The following GRHL3 variants were observed in gnomAD, a reference collection of about 807,000 sequenced individuals.
The protein encoded by GRHL3 is grainyhead-like protein 3 homolog.
In GRHL3, 20 loss-of-function variants were observed where a neutral mutation model predicts 70.3. The ratio of observed to expected loss-of-function variants is 0.28; its 90% CI spans 0.20 to 0.41. The LOEUF (loss-of-function observed/expected upper bound fraction) is 0.41. Among genes scored for constraint, GRHL3 ranks in the 10% least tolerant of loss-of-function variants. The pLI, the probability that GRHL3 is intolerant of heterozygous loss-of-function variation, is 1.00. For missense variants in GRHL3, 637 were observed against 762.3 expected (o/e 0.84, Z 1.94); for synonymous variants, 299 against 299.9 (o/e 1.00, Z 0.03).
At chr1:24,338,130 C>T (rs763149065) in intron 7 of GRHL3, 27 bp downstream of exon 7, 6 of 1,451,450 alleles carry the variant, frequency 4.1e-6, no homozygotes, top group South Asian at 2.5e-5. Flanking sequence ...GCCTCCATTC[C>T]AGCTCCCCTC....
chr1:24,364,474 C>T (rs558326048), exon 16 of GRHL3: 364 of 1,393,216 alleles, frequency 2.6e-4, no homozygotes, highest in Non-Finnish European at 2.9e-4. Flanking sequence ...TATTACTTTG[C>T]ATTTAAAATG....
At chr1:24,361,203 C>A (rs1641093804) in intron 15 of GRHL3, among the ~76,000 whole-genome samples, 1 of 152,108 alleles carries the variant, frequency 6.6e-6, no homozygotes, top group African/African-American at 2.4e-5. Context: ...AGCTGGGGAC[C>A]CCTGGATCTG....
rs1639095952 is a variant in GRHL3 at position 24,319,484 on chromosome 1, A to T, written c.-68A>T. On this transcript the variant is annotated 5_prime_UTR_variant, in exon 1 of 16. Transcript: ENST00000361548. Reference sequence around the variant, plus strand: ...TTCCCGGGCAGAGAATGTCTGTGTCAGGCAAGAATTAGAGACAAGCGGTCA... The same window carrying T: ...TTCCCGGGCAGAGAATGTCTGTGTCTGGCAAGAATTAGAGACAAGCGGTCA... 3 of 1,439,824 alleles carry T rather than the reference A, an allele frequency of 2.1e-6. No individual in the cohort carries two copies. The highest frequency in any genetic ancestry group is 2.9e-6 in the Non-Finnish European group (3 of 1,021,328). The allele number at this position is 1,439,824 out of a possible 1,614,324, so 89.2% of individuals were successfully genotyped here. A position where few individuals can be genotyped will look rare whatever the true frequency, so the allele number is the denominator to read the frequency against.
intron 14 of GRHL3, 50 bp downstream of exon 14, chr1:24,347,603 C>T (rs370663326): frequency 2.2e-5 from 30 of 1,361,014 alleles, no homozygotes; most frequent in Non-Finnish European, 3.1e-5. Flanking sequence ...CTCTAGGCTC[C>T]TGTCCCCACT....
chr1:24,323,121 G>C, intron 1 of GRHL3: 1 of 1,506,990 alleles, frequency 6.6e-7, no homozygotes, highest in Non-Finnish European at 9.0e-7. Flanking sequence ...TTTTTCTGTA[G>C]GTTCTACATG....
chr1:24,339,281 C>T (rs61479765), intron 7 of GRHL3, among the ~76,000 whole-genome samples: 41,410 of 148,128 alleles, frequency 0.28, 6,402 homozygotes, highest in East Asian at 0.46. Flanking sequence ...CCAGTTTTGT[C>T]TTTTTTTTTT....
In GRHL3 at chr1:24,339,702, C is replaced by T. The variant is rs769858713; in HGVS notation, c.987C>T (p.His329=). The T allele has an allele frequency of 8.7e-6, 14 of 1,613,396 alleles. No homozygotes were observed. The highest frequency in any genetic ancestry group is 1.3e-5 in the African/African-American group (1 of 74,924). ...DCKENFNTVE[H]IEEVAYNALS... is the part of the protein sequence containing the mutation. Reference sequence around the variant, plus strand: ...AAGAAAACTTCAACACTGTGGAGCACATTGAGGAGGTGGCCTATAATGCAC... The same window carrying T: ...AAGAAAACTTCAACACTGTGGAGCATATTGAGGAGGTGGCCTATAATGCAC... Residue 329 remains histidine, a synonymous_variant, in exon 8 of 16, where the codon CAC becomes CAT. Coordinates refer to ENST00000361548, the MANE Select transcript of GRHL3 (RefSeq NM_198173.3).
downstream of GRHL3, chr1:24,358,651 G>C: frequency 6.4e-7 from 1 of 1,551,956 alleles, no homozygotes; most frequent in Non-Finnish European, 8.9e-7. Context: ...GAGGCATTAA[G>C]AGAGAAAAGG....
chr1:24,329,593 C>G (rs767227811), intron 1 of GRHL3, among the ~76,000 whole-genome samples: 3 of 152,248 alleles, frequency 2.0e-5, no homozygotes, highest in Non-Finnish European at 4.4e-5. Flanking sequence ...CTCTGCAAGA[C>G]TCAGGTTCCT....
At chr1:24,359,447 C>T (rs1006740425), downstream of GRHL3, among the ~76,000 whole-genome samples, 1 of 152,208 alleles carries the variant, frequency 6.6e-6, no homozygotes, top group Admixed American at 6.5e-5. The surrounding 1 kb of genome is among the most constrained non-coding windows in gnomAD (Gnocchi z 5.3). Flanking sequence ...GAGTTCTCCT[C>T]GACTGACTAG....
chr1:24,342,029 G>A lies in GRHL3; in HGVS notation c.1048-86G>A. On this transcript the variant is annotated intron_variant, in intron 8 of 15. Transcript: ENST00000361548. The surrounding 1 kb of genome is among the most constrained non-coding windows in gnomAD (Gnocchi z 4.8). The stretch of plus-strand genomic sequence containing the variant: ...CTTAAGGGTGAGCAGCAGGCACACA[G>A]AAAGCTAGAAATACAGGATCACTGT... 7.6e-7 allele frequency: 1 copy of A among 1,316,164 alleles called. No homozygotes were observed. The highest frequency in any genetic ancestry group is 1.0e-6 in the Non-Finnish European group (1 of 965,132). 81.5% of individuals were successfully genotyped at this position (1,316,164 alleles called of 1,614,324 possible).
intron 8 of GRHL3, among the ~76,000 whole-genome samples, chr1:24,341,536 T>C (rs1640040270): frequency 1.3e-5 from 2 of 152,122 alleles, no homozygotes; most frequent in African/African-American, 4.8e-5. Flanking sequence ...TCCCCGGCTG[T>C]AAGATGGGGT....
Position 24,322,908 on chromosome 1 carries a change from C to T in GRHL3, c.17+3340C>T, listed in dbSNP as rs985950876. 2 of 595,842 alleles carry T rather than the reference C, an allele frequency of 3.4e-6. No homozygotes were observed. Among genetic ancestry groups the T allele is most frequent in the East Asian group, 5.6e-5 (2 of 35,872 alleles). The allele number at this position is 595,842 out of a possible 1,614,324, so 36.9% of individuals were successfully genotyped here. A position where few individuals can be genotyped will look rare whatever the true frequency, so the allele number is the denominator to read the frequency against. ...GATGGGAGTGTAAATGCAGTTTTGC[C>T]GAAGAGGGGACCCAGACCTGGTTCA... On this transcript the variant is annotated intron_variant, in intron 1 of 15. Coordinates refer to ENST00000361548, the MANE Select transcript of GRHL3 (RefSeq NM_198173.3). The surrounding 1 kb of genome is among the most constrained non-coding windows in gnomAD (Gnocchi z 4.4).
chr1:24,344,246 C>T (rs1158701357), intron 11 of GRHL3, among the ~76,000 whole-genome samples: 1 of 152,142 alleles, frequency 6.6e-6, no homozygotes, highest in African/African-American at 2.4e-5. Context: ...GCTCTCTGCT[C>T]TCTCTAGGCC....
downstream of GRHL3, among the ~76,000 whole-genome samples, chr1:24,355,925 G>A (rs1640702029): frequency 1.3e-5 from 2 of 149,400 alleles, no homozygotes. Flanking sequence ...TCTTGCGATG[G>A]AGCCTCGCTT....
At chr1:24,331,854 C>T (rs1639628435) in intron 2 of GRHL3, among the ~76,000 whole-genome samples, 1 of 152,178 alleles carries the variant, frequency 6.6e-6, no homozygotes, top group African/African-American at 2.4e-5. Context: ...GTCTGGGTGC[C>T]CTCAGCAACC....
chr1:24,352,243 G>A (rs1413574192), intron 15 of GRHL3, among the ~76,000 whole-genome samples: 1 of 152,168 alleles, frequency 6.6e-6, no homozygotes. Context: ...CCTCATGTGA[G>A]AAACAGGAAA....
At position 24,360,798 on chromosome 1, in the gene GRHL3, C is replaced by T. The variant is rs1641054080; in HGVS notation, c.1695-3387C>T. ...ATGGCATTTGATGACCCAAGAATGA[C>T]AAACAGTTCCAGAAGATTTGGTTTT... On this transcript the variant is annotated intron_variant, in intron 15 of 15. Coordinates refer to the GRHL3 transcript ENST00000350501. The T allele has an allele frequency of 2.5e-5, 38 of 1,497,376 alleles. No individual in the cohort carries two copies. In the South Asian group the frequency reaches 4.6e-4, roughly 18 times the overall value. 92.8% of individuals were successfully genotyped at this position (1,497,376 alleles called of 1,614,324 possible). A position where few individuals can be genotyped will look rare whatever the true frequency, so the allele number is the denominator to read the frequency against.
intron 11 of GRHL3, 121 bp from the exon 12 acceptor site, chr1:24,344,776 A>G (rs1569904356): frequency 9.4e-7 from 1 of 1,059,764 alleles, no homozygotes; most frequent in East Asian, 2.4e-5. Flanking sequence ...CTAGAAAGGC[A>G]TTGTAACAGT....
Sources: gnomAD v4.1 joint callset for allele counts (sites outside exome capture counted in the v4.1 genomes callset) on GRCh38, gnomAD v4.1.1 for gene constraint, Gnocchi (gnomAD v3.1) non-coding constraint, MANE v1.5 for transcripts, NCBI Gene and HGNC (gene_info 2026-07-23, HGNC 2026-07-21) for gene names.